Variants in SPIRE1 observed in about 807,000 individuals in gnomAD.
The protein encoded by SPIRE1 is spire type actin nucleation factor 1, also known as protein spire homolog 1.
In SPIRE1, 40 loss-of-function variants were observed where a neutral mutation model predicts 94.1. The observed-to-expected ratio is 0.43, with a 90% confidence interval of 0.33 to 0.55. The LOEUF is 0.55. Ranked by LOEUF, SPIRE1 falls within the 20% of genes least tolerant of loss-of-function variation. The pLI is 0.06. For synonymous variants in SPIRE1, 376 were observed against 371.7 expected (o/e 1.01, Z -0.13); for missense variants, 838 against 975.2 (o/e 0.86, Z 1.87).
intron 1 of SPIRE1, among the ~76,000 whole-genome samples, chr18:12,655,861 A>AT (rs2038524014): frequency 6.6e-6 from 1 of 151,838 alleles, no homozygotes; most frequent in African/African-American, 2.4e-5. Context: ...GCACACAACC[A>AT]TTTTTCCTCT....
intron 1 of SPIRE1, among the ~76,000 whole-genome samples, chr18:12,657,327 G>C (rs2038573954): frequency 6.7e-6 from 1 of 149,846 alleles, no homozygotes; most frequent in South Asian, 2.1e-4. Context: ...CGCCCGCCAC[G>C]AGGCTCTGAC....
chr18:12,629,876 C>G (rs1160797962), intron 2 of SPIRE1, among the ~76,000 whole-genome samples: 1 of 152,028 alleles, frequency 6.6e-6, no homozygotes, highest in African/African-American at 2.4e-5. Flanking sequence ...TTAAGGAGTT[C>G]AAATGCTGGA....
At chr18:12,484,322 A>C (rs1413101098) in intron 9 of SPIRE1, among the ~76,000 whole-genome samples, 4 of 152,202 alleles carry the variant, frequency 2.6e-5, no homozygotes, top group African/African-American at 9.6e-5. Context: ...TCCTGTGTTT[A>C]TTTTCCAGAC....
chr18:12,647,641 C>T (rs2038261496), intron 1 of SPIRE1, among the ~76,000 whole-genome samples: 1 of 152,116 alleles, frequency 6.6e-6, no homozygotes, highest in Non-Finnish European at 1.5e-5. Flanking sequence ...ATAGTCCCAG[C>T]TACTCAGGAG....
chr18:12,470,455 T>C (rs1471906132), intron 10 of SPIRE1, among the ~76,000 whole-genome samples: 1 of 152,192 alleles, frequency 6.6e-6, no homozygotes, highest in Non-Finnish European at 1.5e-5. Flanking sequence ...AACAGGCAGC[T>C]GCACACAATT....
intron 2 of SPIRE1, among the ~76,000 whole-genome samples, chr18:12,558,401 C>T (rs576278040): frequency 1.3e-5 from 2 of 152,296 alleles, no homozygotes; most frequent in Admixed American, 6.5e-5. Flanking sequence ...GCAGTGCAAA[C>T]CCAAAGAGTG....
At position 12,537,600 on chromosome 18, in the gene SPIRE1, A is replaced by G. The variant is rs914637230; in HGVS notation, c.604-1999T>C. ...CTAAAAAATGTTTTTTTAAATGCAT[A>G]TGACAATCTTACACATAAAAAATCT... On this transcript the variant is annotated intron_variant, in intron 3 of 16. Transcript: ENST00000409402. Among the ~76,000 whole-genome samples, 4 of 152,212 alleles carry G rather than the reference A, an allele frequency of 2.6e-5. No homozygotes were observed. The East Asian group carries it at 7.7e-4, about 29-fold the overall frequency.
Position 12,532,021 on chromosome 18 carries a change from A to G in SPIRE1, c.729+3455T>C, listed in dbSNP as rs1044363777. ...TGCCTCCAGCTATACTTAACTTACA[A>G]GGATATCAAATTTCTTAGGAGACAC... On this transcript the variant is annotated intron_variant, in intron 4 of 16. Transcript: ENST00000409402. Among the ~76,000 whole-genome samples, 6 of 152,184 alleles carry G rather than the reference A, an allele frequency of 3.9e-5. No homozygotes were observed. In the East Asian group the frequency reaches 9.6e-4, roughly 24 times the overall value.
chr18:12,614,815 T>C (rs1247493871), intron 2 of SPIRE1, among the ~76,000 whole-genome samples: 1 of 151,992 alleles, frequency 6.6e-6, no homozygotes, highest in Non-Finnish European at 1.5e-5. Flanking sequence ...CAAGACTCTG[T>C]CTTAGAAAAA....
chr18:12,485,924 C>A, intron 9 of SPIRE1, 35 bp downstream of exon 9: 1 of 1,498,484 alleles, frequency 6.7e-7, no homozygotes, highest in South Asian at 1.2e-5. Flanking sequence ...CCACAAAACC[C>A]ACGTCAGGTG....
intron 8 of SPIRE1, among the ~76,000 whole-genome samples, chr18:12,487,512 A>G (rs1033393876): frequency 2.0e-5 from 3 of 150,900 alleles, no homozygotes; most frequent in African/African-American, 7.3e-5. Flanking sequence ...AGGTTCAAGC[A>G]ATCTCCCGAG....
intron 2 of SPIRE1, among the ~76,000 whole-genome samples, chr18:12,598,437 T>C (rs2036738947): frequency 6.6e-6 from 1 of 152,162 alleles, no homozygotes; most frequent in African/African-American, 2.4e-5. Context: ...ATTTTTAGCA[T>C]ATGCCACTGT....
At chr18:12,453,811 A>G (rs1166606901) in intron 13 of SPIRE1, among the ~76,000 whole-genome samples, 2 of 151,334 alleles carry the variant, frequency 1.3e-5, no homozygotes, top group African/African-American at 4.9e-5. Context: ...ATTGAGACGG[A>G]GTCTCACTAT....
intron 2 of SPIRE1, among the ~76,000 whole-genome samples, chr18:12,594,807 A>AC (rs932617630): frequency 2.0e-5 from 3 of 151,756 alleles, no homozygotes; most frequent in Non-Finnish European, 2.9e-5. Flanking sequence ...CTCCTCTTCC[A>AC]CCTCCTCCAC....
intron 16 of SPIRE1, chr18:12,451,072 G>C: frequency 3.7e-6 from 1 of 271,736 alleles, no homozygotes; most frequent in Non-Finnish European, 6.9e-6. Context: ...CTGTCCATTT[G>C]AAAAAAAAAA....
At chr18:12,619,452 G>A (rs2037401333) in intron 2 of SPIRE1, among the ~76,000 whole-genome samples, 2 of 152,090 alleles carry the variant, frequency 1.3e-5, no homozygotes, top group Admixed American at 1.3e-4. Flanking sequence ...AGCTTGCAGT[G>A]AGCTGAGATC....
intron 12 of SPIRE1, among the ~76,000 whole-genome samples, chr18:12,457,982 C>T (rs953196738): frequency 6.6e-6 from 1 of 151,176 alleles, no homozygotes; most frequent in East Asian, 2.0e-4. Context: ...GTAGCTGGGA[C>T]GACAGGCGCC....
intron 5 of SPIRE1, among the ~76,000 whole-genome samples, chr18:12,511,090 C>T (rs17524870): frequency 0.023 from 3,533 of 152,248 alleles, 50 homozygotes; most frequent in Non-Finnish European, 0.036. Context: ...TCTGCATTCC[C>T]GGAGTCCTCA....
In SPIRE1 at chr18:12,447,182, G is replaced by A. The variant is rs1052024047; in HGVS notation, c.*2456C>T. ...TCAGGCCTGGAGGGAGCTGAGATGA[G>A]AGCAGGGATGATGGTTCAGATACGC... On this transcript the variant is annotated 3_prime_UTR_variant, in exon 17 of 17. Transcript: ENST00000409402. The A allele has an allele frequency of 3.9e-5, 6 of 152,236 alleles. No individual in the cohort carries two copies. Among genetic ancestry groups the A allele is most frequent in the Non-Finnish European group, 8.8e-5 (6 of 68,080 alleles). The allele number at this position is 152,236 out of a possible 1,614,324, so 9.4% of individuals were successfully genotyped here.
Sources: allele counts gnomAD v4.1 joint callset (sites outside exome capture counted in the v4.1 genomes callset), GRCh38; gene constraint gnomAD v4.1.1; transcripts MANE v1.5; gene names NCBI Gene and HGNC (gene_info 2026-07-23, HGNC 2026-07-21).